MIGA1: variants seen among roughly 807,000 people sequenced by gnomAD.
MIGA1 encodes the protein family with sequence similarity 73, member A.
Under a neutral mutation model 82.0 loss-of-function variants are expected in MIGA1, and 58 were observed. The observed-to-expected ratio is 0.71, with a 90% CI of 0.57 to 0.88. The LOEUF (loss-of-function observed/expected upper bound fraction) is 0.88, where lower values mean the gene tolerates loss of function less well. MIGA1 is among the 40% of genes least tolerant of loss of function. The pLI, the probability that MIGA1 is intolerant of heterozygous loss-of-function variation, is 0.00. For synonymous variants in MIGA1, 249 were observed against 253.6 expected (o/e 0.98, Z 0.17); for missense variants, 751 against 749.1 (o/e 1.00, Z -0.03).
rs889359779 is a variant in MIGA1 at position 77,779,709 on chromosome 1, G to C, written c.54G>C (p.Arg18Ser). Reference sequence around the variant, plus strand: ...TCAGCTGGGAAGCTGGCGTGGGCAGGCCAGCTGTACCTGGCCTGGAGCTCC... The same window carrying C: ...TCAGCTGGGAAGCTGGCGTGGGCAGCCCAGCTGTACCTGGCCTGGAGCTCC... Residue 18 changes from arginine (R) to serine (S), a missense_variant, in exon 1 of 16, where the codon AGG becomes AGC. By Grantham distance (110) the Arg-to-Ser change is moderately radical (BLOSUM62 -1). This residue lies in a region of MIGA1 where 482 missense variants were observed against 439.4 expected (regional missense o/e 1.10). Coordinates refer to ENST00000370791, the MANE Select transcript of MIGA1 (RefSeq NM_198549.4). 6.3e-7 allele frequency: 1 copy of C among 1,586,404 alleles called. No homozygotes were observed. The highest frequency in any genetic ancestry group is 8.6e-7 in the Non-Finnish European group (1 of 1,166,776).
chr1:77,780,025 G>A (rs980780777), intron 1 of MIGA1: 2 of 1,183,186 alleles, frequency 1.7e-6, no homozygotes, highest in Non-Finnish European at 1.0e-6. Context: ...GCCTGCAAAG[G>A]AAGCGCGGAA....
rs375094148 is a variant in MIGA1, at chr1:77,802,166, T to C, written c.373+658T>C. On this transcript the variant is annotated intron_variant, in intron 3 of 15. Coordinates refer to ENST00000370791, the MANE Select transcript of MIGA1 (RefSeq NM_198549.4). ...TCTTAGTTTTTTATTATTTAGTGAG[T>C]GTGTGATATGCTTTTGTGAGTCATC... Among the ~76,000 whole-genome samples the C allele has an allele frequency of 4.6e-5, 7 of 152,134 alleles. No homozygotes were observed. The East Asian group carries it at 1.2e-3, about 25-fold the overall frequency.
At chr1:77,806,864 T>A in intron 4 of MIGA1, 111 bp from the exon 5 acceptor site, 6 of 663,848 alleles carry the variant, frequency 9.0e-6, no homozygotes, top group Non-Finnish European at 9.6e-6. Flanking sequence ...GGAAATTACA[T>A]GGATTGTCTT....
chr1:77,804,191 A>G (rs915930600), intron 4 of MIGA1, among the ~76,000 whole-genome samples: 1 of 152,150 alleles, frequency 6.6e-6, no homozygotes, highest in Non-Finnish European at 1.5e-5. Flanking sequence ...AGGTGAAAGT[A>G]TTTGGTTTGC....
chr1:77,798,869 T>G (rs1682765224), intron 2 of MIGA1, among the ~76,000 whole-genome samples: 1 of 152,236 alleles, frequency 6.6e-6, no homozygotes, highest in Admixed American at 6.5e-5. Context: ...GGGACACTAT[T>G]CAACCTACTA....
rs1273590565 is a variant in MIGA1, at chr1:77,811,715, C to T, written c.638-2019C>T. 1.4e-5 allele frequency: 22 copies of T among 1,611,688 alleles called. No homozygotes were observed. The Admixed American group carries it at 1.5e-4, about 11-fold the overall frequency. ...GCCTCCACCAGCTGGCCCCAAGAGT[C>T]GAAGTCGGCGCCTCTCCTAAAACTG... On this transcript the variant is annotated intron_variant, in intron 5 of 15. Coordinates refer to ENST00000370791, the MANE Select transcript of MIGA1 (RefSeq NM_198549.4).
intron 8 of MIGA1, among the ~76,000 whole-genome samples, chr1:77,845,396 A>G (rs1396561243): frequency 6.6e-6 from 1 of 152,162 alleles, no homozygotes; most frequent in Non-Finnish European, 1.5e-5. Flanking sequence ...GTGAGGAACA[A>G]TATACCTAAT....
chr1:77,843,369 A>G lies in MIGA1; in HGVS notation c.958A>G (p.Ser320Gly), dbSNP rs1445512393. 1 of 1,614,082 alleles carries G rather than the reference A, an allele frequency of 6.2e-7. No homozygotes were observed. The highest frequency in any genetic ancestry group is 8.5e-7 in the Non-Finnish European group (1 of 1,179,924). ...AGACTTTGGCCTGCGAGACACCTTGAGCATCGCATCCACGGATTCCTTTGC... is the reference window on the plus strand; with the variant it reads ...AGACTTTGGCCTGCGAGACACCTTGGGCATCGCATCCACGGATTCCTTTGC... Residue 320 changes from serine to glycine, a missense_variant, in exon 8 of 16, where the codon AGC becomes GGC. Transcript: ENST00000370791.
At chr1:77,849,395 TA>T (rs981462025) in intron 8 of MIGA1, among the ~76,000 whole-genome samples, 2 of 151,902 alleles carry the variant, frequency 1.3e-5, no homozygotes, top group Non-Finnish European at 2.9e-5. Flanking sequence ...ACCCTGTCTC[TA>T]AAAAAAACCT....
chr1:77,863,992 A>G lies in MIGA1; in HGVS notation c.1473A>G (p.Val491=), dbSNP rs1167144368. Residue 491 remains valine, a synonymous_variant, in exon 13 of 16, where the codon GTA becomes GTG. Coordinates refer to ENST00000370791, the MANE Select transcript of MIGA1 (RefSeq NM_198549.4). ...CACCCACATCCATACAGAATGTAGT[A>G]AATAATCGATGGCTAAACTCATCCT... is the stretch of plus-strand genomic sequence containing the variant. 1.9e-6 allele frequency: 3 copies of G among 1,608,030 alleles called. No homozygotes were observed. Among genetic ancestry groups the G allele is most frequent in the Non-Finnish European group, 2.5e-6 (3 of 1,178,778 alleles).
At chr1:77,844,139 G>GATAT (rs1491067019) in intron 8 of MIGA1, among the ~76,000 whole-genome samples, 49 of 92,064 alleles carry the variant, frequency 5.3e-4, no homozygotes, top group African/African-American at 2.2e-3. Context: ...TATATATATA[G>GATAT]ATAGATAGAT....
At chr1:77,783,417 A>G (rs1682009279) in intron 2 of MIGA1, 66 bp downstream of exon 2, 5 of 931,590 alleles carry the variant, frequency 5.4e-6, no homozygotes, top group Admixed American at 4.5e-5. Flanking sequence ...TTTTGTTTAC[A>G]TTATTTCAGT....
At chr1:77,806,656 C>G (rs1228330320) in intron 4 of MIGA1, among the ~76,000 whole-genome samples, 3 of 152,214 alleles carry the variant, frequency 2.0e-5, no homozygotes, top group African/African-American at 4.8e-5. Flanking sequence ...TAGCTTAAAT[C>G]ACAGTAGGTA....
chr1:77,827,834 T>C (rs1337397841), intron 7 of MIGA1, among the ~76,000 whole-genome samples: 1 of 152,192 alleles, frequency 6.6e-6, no homozygotes, highest in Admixed American at 6.5e-5. Flanking sequence ...CAACTTAAAA[T>C]GTAAAACCAG....
intron 4 of MIGA1, 69 bp downstream of exon 4, chr1:77,803,475 G>C: frequency 1.5e-6 from 1 of 646,194 alleles, no homozygotes. Context: ...ATTAGTTTAA[G>C]TGTCATATAC....
intron 1 of MIGA1, among the ~76,000 whole-genome samples, chr1:77,781,920 T>C (rs146937682): frequency 6.6e-6 from 1 of 152,254 alleles, no homozygotes; most frequent in African/African-American, 2.4e-5. Flanking sequence ...GGATAGTCTA[T>C]TGGAGTATAG....
intron 2 of MIGA1, among the ~76,000 whole-genome samples, chr1:77,784,178 T>G (rs2101681247): frequency 6.6e-6 from 1 of 152,316 alleles, no homozygotes; most frequent in Middle Eastern, 3.4e-3. Flanking sequence ...TCAAGTGAAA[T>G]TGCTGGATCA....
chr1:77,790,318 G>A (rs1292457201), intron 2 of MIGA1, among the ~76,000 whole-genome samples: 1 of 152,166 alleles, frequency 6.6e-6, no homozygotes, highest in African/African-American at 2.4e-5. Flanking sequence ...CCAGGCTGGA[G>A]CACAGTGACG....
chr1:77,870,811 C>T (rs1384162567), intron 14 of MIGA1, among the ~76,000 whole-genome samples: 3 of 150,976 alleles, frequency 2.0e-5, no homozygotes, highest in Admixed American at 6.6e-5. Context: ...ACTGAGTGAA[C>T]GAGACTCCGT....
Sources: gnomAD v4.1 joint callset for allele counts (sites outside exome capture counted in the v4.1 genomes callset) on GRCh38, gnomAD v4.1.1 for gene constraint, gnomAD v4.1.1 regional missense constraint, MANE v1.5 for transcripts, NCBI Gene and HGNC (gene_info 2026-07-23, HGNC 2026-07-21) for gene names.